The following CELSR1 variants were observed in gnomAD, a reference collection of about 807,000 sequenced individuals.
CELSR1 encodes the protein adhesion G protein-coupled receptor C1.
Under a neutral mutation model 249.1 loss-of-function variants are expected in CELSR1, and 110 were observed. The ratio of observed to expected loss-of-function variants is 0.44; its 90% CI spans 0.38 to 0.52. The LOEUF (loss-of-function observed/expected upper bound fraction) is 0.52, where lower values mean the gene tolerates loss of function less well. Ranked by LOEUF, CELSR1 falls within the 20% of genes least tolerant of loss-of-function variation. The pLI is 0.00. For missense variants in CELSR1, 4,109 were observed against 4,296.4 expected (o/e 0.96, Z 1.22); for synonymous variants, 2,113 against 1,900.0 (o/e 1.11, Z -2.92).
At position 46,380,420 on chromosome 22, in the gene CELSR1, C is replaced by T. The variant is rs74514761; in HGVS notation, c.7256+368G>A. On this transcript the variant is annotated intron_variant, in intron 22 of 34. Coordinates refer to ENST00000674500, the MANE Select transcript of CELSR1 (RefSeq NM_001378328.1). This position sits in a 1 kb window ranked among gnomAD's most constrained non-coding sequence, Gnocchi z 5.1. ...CTGGGTTCTGTCTCCCGTGTGTGAC[C>T]GGAATGGGCCTGTCTTATCCGGCGG... Among the ~76,000 whole-genome samples, 2,851 of 152,314 alleles carry T rather than the reference C, an allele frequency of 0.019. 81 individuals are homozygous for T. The highest frequency in any genetic ancestry group is 0.064 in the African/African-American group (2,665 of 41,552).
At position 46,536,379 on chromosome 22, in the gene CELSR1, G is replaced by A. The variant is rs772358102; in HGVS notation, c.792C>T (p.Ile264=). The A allele has an allele frequency of 2.2e-5, 35 of 1,612,168 alleles. No homozygotes were observed. The highest frequency in any genetic ancestry group is 1.3e-4 in the South Asian group (12 of 91,074). Residue 264 remains isoleucine, a synonymous_variant, in exon 1 of 35, where the codon ATC becomes ATT. Coordinates refer to ENST00000674500, the MANE Select transcript of CELSR1 (RefSeq NM_001378328.1). ...TGGTGTAGTGCGCGTGCAGCTGGAG[G>A]ATGAGGGTGCCCGCCGGTTCGTTCT... ...LFENEPAGTL[I]LQLHAHYTIE...
chr22:46,414,317 G>A (rs987663103), intron 5 of CELSR1, among the ~76,000 whole-genome samples: 9 of 152,220 alleles, frequency 5.9e-5, no homozygotes, highest in Non-Finnish European at 1.0e-4. Context: ...TTTGGCGAAA[G>A]AGCCGAATGT....
intron 1 of CELSR1, chr22:46,481,346 G>C (rs1569193974): frequency 1.4e-6 from 1 of 728,162 alleles, no homozygotes; most frequent in Non-Finnish European, 2.4e-6. Flanking sequence ...ATGGATGAGA[G>C]AGCCTCCTTC....
At chr22:46,439,597 G>A (rs1348243829) in intron 2 of CELSR1, among the ~76,000 whole-genome samples, 186 bp from the exon 3 acceptor site, 1 of 152,190 alleles carries the variant, frequency 6.6e-6, no homozygotes, top group East Asian at 1.9e-4. Flanking sequence ...CTTGCCCAGA[G>A]CCGTGCCAGA....
Position 46,411,397 on chromosome 22 carries a change from CTT to C in CELSR1, c.4769+203_4769+204del, listed in dbSNP as rs930656596. On this transcript the variant is annotated intron_variant, in intron 6 of 34. Transcript: ENST00000674500. This position sits in a 1 kb window ranked among gnomAD's most constrained non-coding sequence, Gnocchi z 4.2. Reference sequence around the variant, plus strand: ...CAACCCTGGGGTCGGCCTGGCCACTCTTGACACATACTTAGGGAGACTTATTC... The same window carrying C: ...CAACCCTGGGGTCGGCCTGGCCACTCGACACATACTTAGGGAGACTTATTC... 3.3e-5 allele frequency among the ~76,000 whole-genome samples: 5 copies of C among 152,176 alleles called. No individual in the cohort carries two copies. The highest frequency in any genetic ancestry group is 4.8e-5 in the African/African-American group (2 of 41,448).
chr22:46,397,704 A>C lies in CELSR1; in HGVS notation c.5671T>G (p.Trp1891Gly). 6.4e-7 allele frequency: 1 copy of C among 1,566,618 alleles called. No homozygotes were observed. Among genetic ancestry groups the C allele is most frequent in the Non-Finnish European group, 8.7e-7 (1 of 1,153,958 alleles). Residue 1891 changes from tryptophan to glycine, a missense_variant, in exon 12 of 35, where the codon TGG becomes GGG. Physicochemically the swap from Trp to Gly is radical, Grantham distance 184. Around this residue, in one of 7 missense-constraint regions of CELSR1, gnomAD observed 1,805 missense variants for 1,831.6 expected, o/e 0.99. Coordinates refer to ENST00000674500, the MANE Select transcript of CELSR1 (RefSeq NM_001378328.1). ...CPPNSRCHDA[W>G]EDYSCVCDKG... is the part of the protein sequence containing the mutation. ...TCACAGACGCAGCTGTAGTCCTCCC[A>C]GGCGTCGTGGCAGCGGCTATTGGGG...
At chr22:46,519,979 C>T (rs1407057517) in intron 1 of CELSR1, among the ~76,000 whole-genome samples, 1 of 151,294 alleles carries the variant, frequency 6.6e-6, no homozygotes, top group Non-Finnish European at 1.5e-5. Context: ...TCAAGTGATT[C>T]TCCTGCCTTA....
In CELSR1 at chr22:46,391,145, C is replaced by T. The variant is rs373886518; in HGVS notation, c.6250+41G>A. 59 of 1,520,538 alleles carry T rather than the reference C, an allele frequency of 3.9e-5. No homozygotes were observed. In the Admixed American group the frequency reaches 6.8e-4, roughly 18 times the overall value. 94.2% of individuals were successfully genotyped at this position (1,520,538 alleles called of 1,614,324 possible). On this transcript the variant is annotated intron_variant, in intron 16 of 34. Transcript: ENST00000674500. The surrounding 1 kb of genome is among the most constrained non-coding windows in gnomAD (Gnocchi z 4.3). ...TCTCGACTGGCTCCTCCCACAAGGA[C>T]GCCTGCCTCAGTTCCCTACACACAG... is the stretch of plus-strand genomic sequence containing the variant.
In CELSR1 at chr22:46,364,183, G is replaced by T; in HGVS notation, c.8848C>A (p.Leu2950Ile). The stretch of plus-strand genomic sequence containing the variant: ...TCACAGTCGGCCAGCTTCTCCCGGA[G>T]CCGGCCCTTCAGCGTCTGCTCCGTC... ...TLTEQTLKGR[L>I]REKLADCEQS... Residue 2950 changes from leucine to isoleucine, a missense_variant, in exon 34 of 35, where the codon CTC becomes ATC. By Grantham distance (5) the Leu-to-Ile change is conservative. Around this residue, in one of 7 missense-constraint regions of CELSR1, gnomAD observed 1,805 missense variants for 1,831.6 expected, o/e 0.99. Transcript: ENST00000674500. The T allele has an allele frequency of 6.2e-7, 1 of 1,612,186 alleles. No individual in the cohort carries two copies.
chr22:46,520,201 A>G (rs1440740867), intron 1 of CELSR1, among the ~76,000 whole-genome samples: 1 of 152,004 alleles, frequency 6.6e-6, no homozygotes, highest in Non-Finnish European at 1.5e-5. Flanking sequence ...ATCTCAAGAC[A>G]TGGTCTAAGA....
intron 1 of CELSR1, among the ~76,000 whole-genome samples, chr22:46,465,363 G>C (rs888110566): frequency 4.7e-5 from 7 of 148,820 alleles, no homozygotes; most frequent in Non-Finnish European, 1.0e-4. Flanking sequence ...CTCCCACCCT[G>C]GTTTCCATGG....
Position 46,363,297 on chromosome 22 carries a change from C to T in CELSR1, c.9036-50G>A, listed in dbSNP as rs1029630502. 2.5e-5 allele frequency: 39 copies of T among 1,540,582 alleles called. No individual in the cohort carries two copies. The highest frequency in any genetic ancestry group is 2.7e-5 in the African/African-American group (2 of 73,332). On this transcript the variant is annotated intron_variant, in intron 34 of 34. Coordinates refer to ENST00000674500, the MANE Select transcript of CELSR1 (RefSeq NM_001378328.1). The surrounding 1 kb of genome is among the most constrained non-coding windows in gnomAD (Gnocchi z 4.3). ...GCAGGTGAAGGGTCAGTGAGGGTAG[C>T]GGCTTGGTGGGGCCCAAGGTTGTCA...
intron 1 of CELSR1, among the ~76,000 whole-genome samples, chr22:46,474,352 C>A (rs1299397370): frequency 6.6e-6 from 1 of 152,084 alleles, no homozygotes; most frequent in Non-Finnish European, 1.5e-5. Flanking sequence ...CTCTGTAACC[C>A]CACCACTGCC....
chr22:46,397,628 T>C (rs1199419893), intron 12 of CELSR1, 46 bp downstream of exon 12: 23 of 1,401,164 alleles, frequency 1.6e-5, no homozygotes, highest in Non-Finnish European at 2.0e-5. Flanking sequence ...GTTTCAGCCA[T>C]AAGAGACCTC....
intron 1 of CELSR1, among the ~76,000 whole-genome samples, chr22:46,466,539 C>T (rs1477145933): frequency 1.3e-5 from 2 of 152,160 alleles, no homozygotes; most frequent in Admixed American, 6.5e-5. Flanking sequence ...CTCAAGCCAC[C>T]CCAGGGAGGA....
intron 1 of CELSR1, among the ~76,000 whole-genome samples, chr22:46,475,662 G>T (rs555567368): frequency 4.7e-5 from 7 of 150,302 alleles, no homozygotes; most frequent in African/African-American, 1.7e-4. Flanking sequence ...AAACGAATGG[G>T]GGGGGAAGAA....
intron 1 of CELSR1, among the ~76,000 whole-genome samples, chr22:46,531,051 G>A (rs909384036): frequency 6.6e-6 from 1 of 152,206 alleles, no homozygotes; most frequent in Non-Finnish European, 1.5e-5. Context: ...GATAATTCAA[G>A]GGCTGATCTT....
rs759194232 is a variant in CELSR1, at chr22:46,390,335, C to T, written c.6345+57G>A. 2.5e-5 allele frequency: 35 copies of T among 1,376,462 alleles called. No individual in the cohort carries two copies. Among genetic ancestry groups the T allele is most frequent in the Admixed American group, 7.8e-5 (4 of 51,092 alleles). 85.3% of individuals were successfully genotyped at this position (1,376,462 alleles called of 1,614,324 possible). ...GCCTCGGCCCACACAAACTCTCTCA[C>T]GCATACACGAACACACACGTGCCCC... is the stretch of plus-strand genomic sequence containing the variant. On this transcript the variant is annotated intron_variant, in intron 17 of 34. Coordinates refer to ENST00000674500, the MANE Select transcript of CELSR1 (RefSeq NM_001378328.1). This position sits in a 1 kb window ranked among gnomAD's most constrained non-coding sequence, Gnocchi z 6.3.
chr22:46,481,736 C>A, intron 1 of CELSR1: 1 of 504,300 alleles, frequency 2.0e-6, no homozygotes, highest in Non-Finnish European at 3.6e-6. Context: ...TGCTGCAGCT[C>A]CCCAGTGGCA....
Sources: gnomAD v4.1 joint callset for allele counts (sites outside exome capture counted in the v4.1 genomes callset) on GRCh38, gnomAD v4.1.1 for gene constraint, gnomAD v4.1.1 regional missense constraint, Gnocchi (gnomAD v3.1) non-coding constraint, MANE v1.5 for transcripts, NCBI Gene and HGNC (gene_info 2026-07-23, HGNC 2026-07-21) for gene names.